The following MRAP variants were observed in gnomAD, a reference collection of about 807,000 sequenced individuals.
MRAP encodes the protein melanocortin-2 receptor accessory protein.
In MRAP, 8 loss-of-function variants were observed where a neutral mutation model predicts 8.7. The observed-to-expected ratio is 0.92, with a 90% CI of 0.54 to 1.66. The LOEUF (loss-of-function observed/expected upper bound fraction) is 1.66. Among genes scored for constraint, MRAP ranks in the 40% most tolerant of loss-of-function variants. MRAP has a pLI of 0.00. For missense variants in MRAP, 237 were observed against 217.1 expected (o/e 1.09, Z -0.58); for synonymous variants, 95 against 95.5 (o/e 1.00, Z 0.03).
upstream of MRAP, among the ~76,000 whole-genome samples, chr21:32,295,665 T>C (rs2032126606): frequency 6.6e-6 from 1 of 152,034 alleles, no homozygotes; most frequent in Non-Finnish European, 1.5e-5. Context: ...TAGCCCAAAG[T>C]CCCAGAGTAG....
intron 1 of MRAP, among the ~76,000 whole-genome samples, chr21:32,292,148 T>TA (rs74927734): frequency 0.26 from 39,300 of 149,302 alleles, 5,145 homozygotes; most frequent in East Asian, 0.39. Flanking sequence ...TGGTTTTGTT[T>TA]AAAAAAAAAA....
chr21:32,311,780 G>A lies in MRAP; in HGVS notation c.303G>A (p.Leu101=). ...GCCTGCCGTGCCACAGGGAACCCCT[G>A]GCAACCTCACAGGCTCAGGCGAGCT... The part of the protein sequence containing the change: ...QKCLPCHREP[L]ATSQAQASSV... The change falls in exon 3 of 3, where the codon CTG becomes CTA. Residue 101 remains leucine (L), a synonymous_variant. Coordinates refer to ENST00000303645, the MANE Select transcript of MRAP (RefSeq NM_001379228.1). The A allele has an allele frequency of 6.2e-7, 1 of 1,614,138 alleles. No individual in the cohort carries two copies. The highest frequency in any genetic ancestry group is 8.5e-7 in the Non-Finnish European group (1 of 1,180,036).
At chr21:32,303,714 G>A (rs1160941305) in intron 1 of MRAP, among the ~76,000 whole-genome samples, 1 of 152,242 alleles carries the variant, frequency 6.6e-6, no homozygotes, top group Non-Finnish European at 1.5e-5. Context: ...CCAGCCTAGG[G>A]ATGTCTAACT....
In MRAP at chr21:32,311,666, ACTCTG is replaced by A. The variant is rs1568802463; in HGVS notation, c.207-12_207-8del. 6.2e-7 allele frequency: 1 copy of A among 1,612,848 alleles called. No individual in the cohort carries two copies. Among genetic ancestry groups the A allele is most frequent in the Non-Finnish European group, 8.5e-7 (1 of 1,179,558 alleles). On this transcript the variant is annotated splice_polypyrimidine_tract_variant and intron_variant, in intron 2 of 2. Transcript: ENST00000303645. ...GCAGCAACTATGATGCCTGCCTCCCACTCTGCTCTGTTCACAGGAACAGCCCCAAG... is the reference window on the plus strand; with the variant it reads ...GCAGCAACTATGATGCCTGCCTCCCACTCTGTTCACAGGAACAGCCCCAAG...
At chr21:32,313,856 T>G (rs117717267), downstream of MRAP, 1 of 152,188 alleles carries the variant, frequency 6.6e-6, no homozygotes, top group Non-Finnish European at 1.5e-5. Flanking sequence ...AACTAATATA[T>G]GACCATTAAG....
rs767646868 is a variant in MRAP, at chr21:32,298,946, G to A, written c.-26G>A. ...GGCTCGAGGCGAGGCTGCCGGCCCGGACGCTGACTGCCCAGTGCCACAGAC... is the reference window on the plus strand; with the variant it reads ...GGCTCGAGGCGAGGCTGCCGGCCCGAACGCTGACTGCCCAGTGCCACAGAC... On this transcript the variant is annotated 5_prime_UTR_variant, in exon 1 of 3. Coordinates refer to ENST00000303645, the MANE Select transcript of MRAP (RefSeq NM_001379228.1). 20 of 1,581,452 alleles carry A rather than the reference G, an allele frequency of 1.3e-5. No homozygotes were observed. The highest frequency in any genetic ancestry group is 1.7e-5 in the Non-Finnish European group (19 of 1,151,050).
At chr21:32,306,582 T>C (rs1306105209) in intron 1 of MRAP, 58 bp from the exon 2 acceptor site, 2 of 1,443,620 alleles carry the variant, frequency 1.4e-6, no homozygotes, top group African/African-American at 2.8e-5. Flanking sequence ...TTACTGCCCC[T>C]CAGCGTTGCT....
At chr21:32,313,470 G>C (rs117308760), downstream of MRAP, 1 of 152,188 alleles carries the variant, frequency 6.6e-6, no homozygotes, top group African/African-American at 2.4e-5. Flanking sequence ...AAAGAATAGC[G>C]TTGTAAGGTT....
chr21:32,299,697 T>C (rs924030216), intron 1 of MRAP, among the ~76,000 whole-genome samples: 12 of 152,310 alleles, frequency 7.9e-5, no homozygotes, highest in Non-Finnish European at 1.3e-4. Context: ...TGAGCGAGTT[T>C]CCTCAAATTA....
intron 2 of MRAP, 36 bp downstream of exon 2, chr21:32,306,775 A>G: frequency 1.3e-6 from 2 of 1,521,698 alleles, no homozygotes; most frequent in Middle Eastern, 3.4e-4. Flanking sequence ...TGGGTCACTC[A>G]GACGCTCTCC....
chr21:32,306,676 C>T lies in MRAP; in HGVS notation c.143C>T (p.Ala48Val). The T allele has an allele frequency of 6.2e-7, 1 of 1,614,140 alleles. No individual in the cohort carries two copies. ...IVIAFWVSLA[A>V]FVVLLFLILL... ...ATCGCATTCTGGGTGAGCCTGGCTG[C>T]CTTCGTGGTGCTGCTCTTCCTCATC... is the stretch of plus-strand genomic sequence containing the variant. The change falls in exon 2 of 3, where the codon GCC becomes GTC. Residue 48 changes from alanine to valine, a missense_variant. Transcript: ENST00000303645.
downstream of MRAP, chr21:32,314,509 T>A: frequency 6.4e-7 from 1 of 1,573,000 alleles, no homozygotes; most frequent in Non-Finnish European, 8.8e-7. Context: ...AACATCTCTC[T>A]TCGTTTTCAT....
chr21:32,300,677 G>GTCACGCGTCCTA (rs139653957), intron 1 of MRAP, among the ~76,000 whole-genome samples: 48 of 123,488 alleles, frequency 3.9e-4, no homozygotes, highest in African/African-American at 1.3e-3. Context: ...TATGTCGGAT[G>GTCACGCGTCCTA]TGTCACGCGT....
downstream of MRAP, chr21:32,312,303 C>A: frequency 7.6e-7 from 1 of 1,315,636 alleles, no homozygotes; most frequent in Non-Finnish European, 9.8e-7. Flanking sequence ...TGTTTGCTTA[C>A]TAATCTTTAC....
intron 1 of MRAP, among the ~76,000 whole-genome samples, chr21:32,302,916 T>C (rs1357107986): frequency 6.6e-6 from 1 of 151,528 alleles, no homozygotes; most frequent in Non-Finnish European, 1.5e-5. Flanking sequence ...AAAGGTTCTA[T>C]CACGACGGAA....
chr21:32,306,058 A>C (rs1010401218), intron 1 of MRAP, among the ~76,000 whole-genome samples: 9 of 152,130 alleles, frequency 5.9e-5, no homozygotes, highest in African/African-American at 2.2e-4. Context: ...CCTGCCTGAG[A>C]GAGGGACTCG....
Position 32,298,894 on chromosome 21 carries a change from C to CA in MRAP, c.-77dup, listed in dbSNP as rs1389759431. 1.0e-6 allele frequency: 1 copy of CA among 957,676 alleles called. No individual in the cohort carries two copies. Among genetic ancestry groups the CA allele is most frequent in the African/African-American group, 1.6e-5 (1 of 62,554 alleles). 59.3% of individuals were successfully genotyped at this position (957,676 alleles called of 1,614,324 possible). ...ACGATTCCTGCAGAAATCAGTGAGG[C>CA]AGTCTCCTCCCAGGGGCTTGGCGCC... On this transcript the variant is annotated 5_prime_UTR_variant, in exon 1 of 3. Transcript: ENST00000303645.
chr21:32,294,926 G>A (rs1287146810), upstream of MRAP, among the ~76,000 whole-genome samples: 2 of 151,836 alleles, frequency 1.3e-5, no homozygotes, highest in Admixed American at 1.3e-4. Context: ...ATTCCTATGT[G>A]TTTTATAATT....
Position 32,311,942 on chromosome 21 carries a change from G to C in MRAP, c.465G>C (p.Arg155Ser), listed in dbSNP as rs376924425. The C allele has an allele frequency of 3.1e-6, 5 of 1,613,654 alleles. No homozygotes were observed. Among genetic ancestry groups the C allele is most frequent in the Non-Finnish European group, 4.2e-6 (5 of 1,180,054 alleles). ...ELTLNGGPLV[R>S]SKPSEPPPGD... The stretch of plus-strand genomic sequence containing the variant: ...CCCTCAATGGGGGTCCCCTCGTCAG[G>C]AGCAAGCCCAGCGAGCCTCCCCCTG... The change falls in exon 3 of 3, where the codon AGG becomes AGC. Residue 155 changes from arginine to serine, a missense_variant. Coordinates refer to ENST00000303645, the MANE Select transcript of MRAP (RefSeq NM_001379228.1).
Sources: allele counts gnomAD v4.1 joint callset (sites outside exome capture counted in the v4.1 genomes callset), GRCh38; gene constraint gnomAD v4.1.1; transcripts MANE v1.5; gene names NCBI Gene and HGNC (gene_info 2026-07-23, HGNC 2026-07-21).